The following BICDL1 variants were observed in gnomAD, a reference collection of about 807,000 sequenced individuals.
The protein encoded by BICDL1 is BICD family like cargo adaptor 1, also known as BICD family-like cargo adapter 1.
BICDL1 carries 20 observed loss-of-function variants against 76.8 expected under a neutral mutation model. The observed-to-expected ratio is 0.26, with a 90% CI of 0.18 to 0.38. The LOEUF (loss-of-function observed/expected upper bound fraction) is 0.38, where lower values mean the gene tolerates loss of function less well. BICDL1 is among the 10% of genes least tolerant of loss of function. The pLI is 1.00. For synonymous variants in BICDL1, 383 were observed against 337.1 expected (o/e 1.14, Z -1.49); for missense variants, 700 against 798.6 (o/e 0.88, Z 1.49).
intron 2 of BICDL1, among the ~76,000 whole-genome samples, chr12:120,053,354 G>C (rs886615720): frequency 6.6e-6 from 1 of 152,218 alleles, no homozygotes; most frequent in African/African-American, 2.4e-5. Context: ...AAAGTGCTGG[G>C]ATTAGAGCGT....
chr12:119,998,792 G>C (rs2138610559), intron 2 of BICDL1, 56 bp downstream of exon 2: 2 of 1,512,412 alleles, frequency 1.3e-6, no homozygotes, highest in East Asian at 4.8e-5. Context: ...AAATAGGCTG[G>C]GCATGGAGGC....
intron 9 of BICDL1, chr12:120,091,030 G>A: frequency 1.6e-6 from 2 of 1,288,952 alleles, no homozygotes; most frequent in Admixed American, 4.6e-5. Context: ...GTGAGCCTGA[G>A]CCCTACATCC....
At chr12:120,051,822 C>G (rs1228388816) in intron 2 of BICDL1, among the ~76,000 whole-genome samples, 1 of 152,138 alleles carries the variant, frequency 6.6e-6, no homozygotes. Flanking sequence ...TGTCAGTTTT[C>G]CCACAAATGT....
In BICDL1 at chr12:120,079,061, GTTC is replaced by G; in HGVS notation, c.1453-1822_1453-1820del. ...TGGGTAGCTGCAGGTGCTCCAGCCT[GTTC>G]TTCCCCGAGGCTTCCGCCCTCCTCA... is the stretch of plus-strand genomic sequence containing the variant. On this transcript the variant is annotated intron_variant, in intron 7 of 9. Transcript: ENST00000548673. The surrounding 1 kb of genome is among the most constrained non-coding windows in gnomAD (Gnocchi z 4.3). Among the ~76,000 whole-genome samples the G allele has an allele frequency of 6.6e-6, 1 of 152,370 alleles. No individual in the cohort carries two copies. Among genetic ancestry groups the G allele is most frequent in the Non-Finnish European group, 1.5e-5 (1 of 68,028 alleles).
intron 2 of BICDL1, among the ~76,000 whole-genome samples, chr12:120,053,503 C>T (rs912703483): frequency 6.6e-6 from 1 of 152,178 alleles, no homozygotes; most frequent in Admixed American, 6.5e-5. Flanking sequence ...TAATCCATTA[C>T]TGTCATTATT....
Position 120,071,417 on chromosome 12 carries a change from C to A in BICDL1, c.910-205C>A, listed in dbSNP as rs1256045750. ...TCGGCCTCCCAAAGTGCTGGGATTA[C>A]AGGGGTGAGCCACCGCGCCCAGTCA... On this transcript the variant is annotated intron_variant, in intron 4 of 9. Transcript: ENST00000548673. The surrounding 1 kb of genome is among the most constrained non-coding windows in gnomAD (Gnocchi z 4.8). Among the ~76,000 whole-genome samples the A allele has an allele frequency of 6.6e-6, 1 of 152,192 alleles. No homozygotes were observed. Among genetic ancestry groups the A allele is most frequent in the Non-Finnish European group, 1.5e-5 (1 of 68,046 alleles).
chr12:120,083,704 G>T (rs1874176276), intron 8 of BICDL1, among the ~76,000 whole-genome samples: 1 of 151,264 alleles, frequency 6.6e-6, no homozygotes, highest in East Asian at 1.9e-4. Flanking sequence ...CTGTTGCCTA[G>T]GCTGGAGAGC....
intron 2 of BICDL1, chr12:120,057,012 C>T (rs1325347712): frequency 1.4e-5 from 7 of 502,654 alleles, no homozygotes; most frequent in East Asian, 5.5e-5. Flanking sequence ...CTCTCGCCCA[C>T]GCAGGTGGGA....
chr12:120,004,120 G>T (rs1191000375), intron 2 of BICDL1, among the ~76,000 whole-genome samples: 2 of 152,092 alleles, frequency 1.3e-5, no homozygotes, highest in African/African-American at 4.8e-5. Context: ...CAGCCCTGAT[G>T]GCTTCTTCAA....
chr12:119,990,339 C>CT (rs1951492257), intron 1 of BICDL1, 42 bp downstream of exon 1: 2 of 1,542,920 alleles, frequency 1.3e-6, no homozygotes, highest in East Asian at 5.0e-5. Flanking sequence ...GCAGGGGCCG[C>CT]CCAGGCACGC....
At chr12:119,990,582 C>CTA (rs986996812) in intron 1 of BICDL1, among the ~76,000 whole-genome samples, 16 of 152,184 alleles carry the variant, frequency 1.1e-4, no homozygotes, top group Non-Finnish European at 1.6e-4. Flanking sequence ...TACAGTATGA[C>CTA]TATATAGCAC....
intron 1 of BICDL1, among the ~76,000 whole-genome samples, chr12:119,997,354 T>C (rs1158017445): frequency 2.0e-5 from 3 of 152,160 alleles, no homozygotes; most frequent in Non-Finnish European, 4.4e-5. Context: ...ATGCAATTTG[T>C]TTTATCAGTC....
At chr12:120,081,374 G>A (rs1356439086) in intron 8 of BICDL1, among the ~76,000 whole-genome samples, 3 of 124,378 alleles carry the variant, frequency 2.4e-5, no homozygotes, top group South Asian at 2.5e-4. Flanking sequence ...TTTTTGAGAC[G>A]GAGTTTTGCC....
In BICDL1 at chr12:120,071,114, G is replaced by T. The variant is rs1873067147; in HGVS notation, c.910-508G>T. On this transcript the variant is annotated intron_variant, in intron 4 of 9. Transcript: ENST00000548673. The surrounding 1 kb of genome is among the most constrained non-coding windows in gnomAD (Gnocchi z 4.8). The stretch of plus-strand genomic sequence containing the variant: ...CTTGCAATGTTTTTGTTAAGGAAAT[G>T]GAGTTGTTTGTCCTATAGAATTTTC... Among the ~76,000 whole-genome samples the T allele has an allele frequency of 6.6e-6, 1 of 151,908 alleles. No homozygotes were observed. Among genetic ancestry groups the T allele is most frequent in the African/African-American group, 2.4e-5 (1 of 41,360 alleles).
intron 4 of BICDL1, among the ~76,000 whole-genome samples, chr12:120,066,731 A>T (rs1044347634): frequency 1.3e-5 from 2 of 152,244 alleles, no homozygotes; most frequent in African/African-American, 4.8e-5. Context: ...CCTTCAGTTC[A>T]TGTGAAACTC....
intron 7 of BICDL1, among the ~76,000 whole-genome samples, chr12:120,077,486 G>A (rs1873643532): frequency 6.6e-6 from 1 of 151,812 alleles, no homozygotes; most frequent in Admixed American, 6.6e-5. Context: ...TATCGGTGAG[G>A]CCCTCAGCCA....
intron 2 of BICDL1, among the ~76,000 whole-genome samples, chr12:120,045,424 T>C (rs1358867730): frequency 6.6e-6 from 1 of 152,128 alleles, no homozygotes; most frequent in Non-Finnish European, 1.5e-5. Context: ...ACTGGGTATA[T>C]ACCCAAAGGA....
At chr12:120,020,158 C>T (rs1952150061) in intron 2 of BICDL1, among the ~76,000 whole-genome samples, 1 of 151,762 alleles carries the variant, frequency 6.6e-6, no homozygotes, top group Non-Finnish European at 1.5e-5. Context: ...AATTCCAGGT[C>T]TGAAACAGGA....
rs532287011 is a variant in BICDL1 at position 120,055,924 on chromosome 12, T to C, written c.646-5786T>C. ...TTCTTTTACCCAGTGATTCCACTTA[T>C]GGAAAATTACCCACAAGCACAAAGA... On this transcript the variant is annotated intron_variant, in intron 2 of 9. Coordinates refer to ENST00000548673, the MANE Select transcript of BICDL1 (RefSeq NM_001367886.1). 2.4e-4 allele frequency among the ~76,000 whole-genome samples: 36 copies of C among 152,356 alleles called. No homozygotes were observed. The South Asian group carries it at 6.6e-3, about 28-fold the overall frequency.
Sources: allele counts gnomAD v4.1 joint callset (sites outside exome capture counted in the v4.1 genomes callset), GRCh38; gene constraint gnomAD v4.1.1; non-coding constraint Gnocchi (gnomAD v3.1); transcripts MANE v1.5; gene names NCBI Gene and HGNC (gene_info 2026-07-23, HGNC 2026-07-21).